KCNH1: variants seen among roughly 807,000 people sequenced by gnomAD.
KCNH1 encodes the protein potassium voltage-gated channel subfamily H member 1, also known as voltage-gated delayed rectifier potassium channel KCNH1.
Under a neutral mutation model 69.2 loss-of-function variants are expected in KCNH1, and 27 were observed. That is an observed-to-expected ratio of 0.39 (90% CI 0.29 to 0.54). The LOEUF (loss-of-function observed/expected upper bound fraction) is 0.54. Among genes scored for constraint, KCNH1 ranks in the 20% least tolerant of loss-of-function variants. KCNH1 has a pLI of 0.68. For missense variants in KCNH1, 798 were observed against 1,261.6 expected (o/e 0.63, Z 5.57); for synonymous variants, 456 against 487.7 (o/e 0.93, Z 0.86).
At chr1:210,821,746 A>G (rs534341789) in intron 7 of KCNH1, among the ~76,000 whole-genome samples, 1 of 152,138 alleles carries the variant, frequency 6.6e-6, no homozygotes, top group Non-Finnish European at 1.5e-5. Flanking sequence ...ACGACTATTT[A>G]ATTTGAAATG....
chr1:211,065,001 G>A (rs573947076), intron 5 of KCNH1, among the ~76,000 whole-genome samples: 5 of 152,268 alleles, frequency 3.3e-5, no homozygotes, highest in South Asian at 2.1e-4. Context: ...TGGAGAAGAC[G>A]TGGAGAAAAT....
intron 10 of KCNH1, among the ~76,000 whole-genome samples, chr1:210,763,919 C>A (rs1558459979): frequency 6.6e-6 from 1 of 152,014 alleles, no homozygotes; most frequent in Non-Finnish European, 1.5e-5. Flanking sequence ...CAAGGCAATC[C>A]TACACAAAAA....
chr1:211,087,745 G>C (rs776934445), intron 4 of KCNH1, among the ~76,000 whole-genome samples: 1 of 152,054 alleles, frequency 6.6e-6, no homozygotes, highest in African/African-American at 2.4e-5. Flanking sequence ...ATTTGTCAGA[G>C]AGTAAGAGAA....
At chr1:211,061,011 G>A (rs1267578800) in intron 5 of KCNH1, among the ~76,000 whole-genome samples, 1 of 152,050 alleles carries the variant, frequency 6.6e-6, no homozygotes, top group Non-Finnish European at 1.5e-5. Flanking sequence ...ATCAAAAAAA[G>A]ACAACTACAG....
At chr1:211,096,219 G>A (rs1237082487) in intron 3 of KCNH1, among the ~76,000 whole-genome samples, 5 of 151,788 alleles carry the variant, frequency 3.3e-5, no homozygotes, top group South Asian at 2.1e-4. Flanking sequence ...GCCCACCACC[G>A]CACCCGGCTA....
At chr1:210,995,856 T>C (rs1422492399) in intron 6 of KCNH1, among the ~76,000 whole-genome samples, 2 of 152,174 alleles carry the variant, frequency 1.3e-5, no homozygotes, top group Non-Finnish European at 2.9e-5. Flanking sequence ...AAAGACAGAA[T>C]GTATCTATAA....
At chr1:211,023,559 G>T (rs149987480) in intron 5 of KCNH1, among the ~76,000 whole-genome samples, 1 of 151,778 alleles carries the variant, frequency 6.6e-6, no homozygotes, top group Non-Finnish European at 1.5e-5. Context: ...AGGCACAGAA[G>T]GACAAATACC....
chr1:211,112,512 A>C lies in KCNH1; in HGVS notation c.80-5135T>G, dbSNP rs7523157. Among the ~76,000 whole-genome samples, 65 of 150,674 alleles carry C rather than the reference A, an allele frequency of 4.3e-4. 1 individual carries two copies. In the East Asian group the frequency reaches 0.013, roughly 30 times the overall value. ...TTTTATTAAATAAATAAAAAAAAAAAAAAAAAAAAAACAAGCCCACTAGCA... is the reference window on the plus strand; with the variant it reads ...TTTTATTAAATAAATAAAAAAAAAACAAAAAAAAAAACAAGCCCACTAGCA... On this transcript the variant is annotated intron_variant, in intron 1 of 10. Transcript: ENST00000271751.
chr1:211,083,732 AT>A (rs1327703615), intron 4 of KCNH1, among the ~76,000 whole-genome samples: 2 of 152,174 alleles, frequency 1.3e-5, no homozygotes, highest in African/African-American at 2.4e-5. Context: ...GCATGCAACT[AT>A]TTTTACATTA....
chr1:210,847,725 TATA>T (rs536920324), intron 7 of KCNH1, among the ~76,000 whole-genome samples: 98 of 150,886 alleles, frequency 6.5e-4, no homozygotes, highest in African/African-American at 2.3e-3. Context: ...AAACTTAAAG[TATA>T]ATAATAATAA....
chr1:210,834,154 A>T (rs1196124273), intron 7 of KCNH1, among the ~76,000 whole-genome samples: 1 of 152,032 alleles, frequency 6.6e-6, no homozygotes, highest in Non-Finnish European at 1.5e-5. Flanking sequence ...GGAACTAGAA[A>T]TACCATTTGA....
In KCNH1 at chr1:210,682,509, A is replaced by G. The variant is rs1890841; in HGVS notation, c.*772T>C. 109,762 of 152,312 alleles carry G rather than the reference A, an allele frequency of 0.72. 40,039 individuals are homozygous for G. The highest frequency in any genetic ancestry group is 0.81 in the South Asian group (3,888 of 4,818). 9.4% of individuals were successfully genotyped at this position (152,312 alleles called of 1,614,324 possible). A position where few individuals can be genotyped will look rare whatever the true frequency, so the allele number is the denominator to read the frequency against. On this transcript the variant is annotated 3_prime_UTR_variant, in exon 11 of 11. Transcript: ENST00000271751. Reference sequence around the variant, plus strand: ...ATGGAGCAGGGCCAGAGGCTCAGCCAGGCACTCCAGAGCCCTCCCTGTCAA... The same window carrying G: ...ATGGAGCAGGGCCAGAGGCTCAGCCGGGCACTCCAGAGCCCTCCCTGTCAA...
intron 6 of KCNH1, among the ~76,000 whole-genome samples, chr1:210,984,653 A>G (rs906750681): frequency 6.6e-6 from 1 of 152,128 alleles, no homozygotes; most frequent in African/African-American, 2.4e-5. Flanking sequence ...AAGCATGGAT[A>G]AGCTTTTTGA....
At chr1:211,020,230 T>G (rs574954915) in intron 5 of KCNH1, among the ~76,000 whole-genome samples, 1 of 151,694 alleles carries the variant, frequency 6.6e-6, no homozygotes, top group East Asian at 1.9e-4. Context: ...AAAAACATAA[T>G]TTTAAAAAAA....
intron 6 of KCNH1, among the ~76,000 whole-genome samples, chr1:210,980,022 C>G (rs1167679551): frequency 1.3e-5 from 2 of 152,172 alleles, no homozygotes; most frequent in African/African-American, 4.8e-5. Flanking sequence ...AACTTGGCAA[C>G]ATTATTAACA....
At chr1:211,082,366 T>C (rs1690873802) in intron 5 of KCNH1, among the ~76,000 whole-genome samples, 1 of 152,202 alleles carries the variant, frequency 6.6e-6, no homozygotes, top group South Asian at 2.1e-4. Context: ...CAAAAAAATG[T>C]AAAATGCCAT....
intron 7 of KCNH1, among the ~76,000 whole-genome samples, chr1:210,911,233 G>C (rs1468113942): frequency 6.6e-6 from 1 of 151,926 alleles, no homozygotes; most frequent in East Asian, 1.9e-4. Flanking sequence ...CAAATAAATG[G>C]GGTATATACT....
At chr1:211,056,320 G>C (rs1414515181) in intron 5 of KCNH1, among the ~76,000 whole-genome samples, 3 of 152,126 alleles carry the variant, frequency 2.0e-5, no homozygotes, top group Non-Finnish European at 4.4e-5. Context: ...TGAGAAAAGG[G>C]GAGAGTGGGA....
In KCNH1 at chr1:210,770,582, C is replaced by T. The variant is rs562702658; in HGVS notation, c.2112+4766G>A. 2.0e-4 allele frequency among the ~76,000 whole-genome samples: 31 copies of T among 152,366 alleles called. 1 individual carries two copies. The South Asian group carries it at 5.0e-3, about 24-fold the overall frequency. On this transcript the variant is annotated intron_variant, in intron 10 of 10. Coordinates refer to ENST00000271751, the MANE Select transcript of KCNH1 (RefSeq NM_172362.3). ...ATGGCCGGGTTAACCCGCTGCCTAA[C>T]GAAAGCGAAATGTGTCATGCCTCCC...
Sources: gnomAD v4.1 joint callset for allele counts (sites outside exome capture counted in the v4.1 genomes callset) on GRCh38, gnomAD v4.1.1 for gene constraint, MANE v1.5 for transcripts, NCBI Gene and HGNC (gene_info 2026-07-23, HGNC 2026-07-21) for gene names.